GRHL3: variants seen among roughly 807,000 people sequenced by gnomAD.
GRHL3 encodes the protein grainyhead-like protein 3 homolog.
A neutral mutation model predicts 70.3 loss-of-function variants in GRHL3; 20 were observed. The ratio of observed to expected loss-of-function variants is 0.28; its 90% confidence interval spans 0.20 to 0.41. GRHL3 has a LOEUF of 0.41. GRHL3 is among the 10% of genes least tolerant of loss of function. The probability of loss-of-function intolerance (pLI) is 1.00; values close to 1 mark genes in which losing one functional copy is unlikely to be tolerated. For missense variants in GRHL3, 637 were observed against 762.3 expected (o/e 0.84, Z 1.94); for synonymous variants, 299 against 299.9 (o/e 1.00, Z 0.03).
chr1:24,333,266 G>A (rs1381270129), intron 2 of GRHL3, among the ~76,000 whole-genome samples: 1 of 152,196 alleles, frequency 6.6e-6, no homozygotes. Flanking sequence ...GGTGTGGAAG[G>A]AGCACCAAGT....
At chr1:24,330,354 G>A (rs502185) in intron 1 of GRHL3, among the ~76,000 whole-genome samples, 107,766 of 152,132 alleles carry the variant, frequency 0.71, 38,821 homozygotes, top group African/African-American at 0.86. Flanking sequence ...AAAGTTTGAG[G>A]ACATTATTCT....
At chr1:24,358,647 T>C (rs1388203008), downstream of GRHL3, 4 of 1,581,032 alleles carry the variant, frequency 2.5e-6, no homozygotes, top group East Asian at 2.2e-5. Context: ...GGCGGAGGCA[T>C]TAAGAGAGAA....
chr1:24,320,586 T>C (rs904180546), intron 1 of GRHL3, among the ~76,000 whole-genome samples: 3 of 152,146 alleles, frequency 2.0e-5, no homozygotes, highest in African/African-American at 7.2e-5. Flanking sequence ...TGTACCATCT[T>C]TTTTCTAACT....
At chr1:24,320,547 C>A (rs534932865) in intron 1 of GRHL3, among the ~76,000 whole-genome samples, 1 of 152,290 alleles carries the variant, frequency 6.6e-6, no homozygotes, top group South Asian at 2.1e-4. Flanking sequence ...TCCTGCCACC[C>A]TCAGAGGTGA....
intron 12 of GRHL3, 78 bp downstream of exon 12, chr1:24,345,009 T>TCCGCCACACCTGTGCCC: frequency 8.1e-6 from 5 of 613,954 alleles, no homozygotes; most frequent in Non-Finnish European, 8.5e-6. Context: ...CACCTGTGCC[T>TCCGCCACACCTGTGCCC]CCGCCACACC....
chr1:24,339,225 T>C (rs886861969), intron 7 of GRHL3, among the ~76,000 whole-genome samples: 3 of 152,010 alleles, frequency 2.0e-5, no homozygotes, highest in African/African-American at 7.3e-5. Flanking sequence ...TGGATTGAAG[T>C]GTGGTTCTTG....
Position 24,336,571 on chromosome 1 carries a change from GA to G in GRHL3, c.358del (p.Thr120ProfsTer13). 3 of 1,613,878 alleles carry G rather than the reference GA, an allele frequency of 1.9e-6. No individual in the cohort carries two copies. The highest frequency in any genetic ancestry group is 2.5e-6 in the Non-Finnish European group (3 of 1,179,910). ...AAATTCCTGACAGAGAACGTGTCTG[GA>G]ACCCCAGAGTACCCAGATTTGCTCA... ...LMKFLTENVS[G>X]TPEYPDLLKK... is the part of the protein sequence containing the mutation. On this transcript the variant is annotated frameshift_variant, in exon 4 of 16. Coordinates refer to ENST00000361548, the MANE Select transcript of GRHL3 (RefSeq NM_198173.3). LOFTEE classifies it high-confidence loss of function.
intron 12 of GRHL3, among the ~76,000 whole-genome samples, chr1:24,346,017 C>T (rs953847759): frequency 1.3e-5 from 2 of 152,126 alleles, no homozygotes; most frequent in South Asian, 2.1e-4. Flanking sequence ...TTTATGGATG[C>T]GGAAACTGAG....
chr1:24,337,446 G>A, intron 5 of GRHL3, 190 bp from the exon 6 acceptor site: 1 of 626,392 alleles, frequency 1.6e-6, no homozygotes, highest in Non-Finnish European at 2.8e-6. Context: ...TTATTCAGCA[G>A]GACTGTGGCT....
chr1:24,325,291 T>A (rs1391465304), intron 1 of GRHL3, among the ~76,000 whole-genome samples: 1 of 152,178 alleles, frequency 6.6e-6, no homozygotes, highest in African/African-American at 2.4e-5. Context: ...CCTCCTTTGG[T>A]GTTGGGTTTT....
chr1:24,337,742 A>T lies in GRHL3; in HGVS notation c.793A>T (p.Thr265Ser), dbSNP rs769211444. 39 of 1,614,046 alleles carry T rather than the reference A, an allele frequency of 2.4e-5. No homozygotes were observed. Among genetic ancestry groups the T allele is most frequent in the Non-Finnish European group, 1.0e-5 (12 of 1,180,044 alleles). ...CCAGTTCTACCCCGTCACCCTGCGG[A>T]CCCCAGCAGGTGGCAAAGGCCTTGC... ...KGQFYPVTLR[T>S]PAGGKGLALS... Residue 265 changes from threonine (T) to serine (S), a missense_variant, in exon 6 of 16, where the codon ACC becomes TCC. By Grantham distance (58) the Thr-to-Ser change is moderately conservative. This residue lies in a region of GRHL3 where 387 missense variants were observed against 513.8 expected (regional missense o/e 0.75). Transcript: ENST00000361548.
chr1:24,321,267 T>C lies in GRHL3; in HGVS notation c.17+1699T>C, dbSNP rs567636544. 5.1e-4 allele frequency among the ~76,000 whole-genome samples: 78 copies of C among 152,344 alleles called. No homozygotes were observed. Among genetic ancestry groups the C allele is most frequent in the African/African-American group, 1.8e-3 (76 of 41,574 alleles). On this transcript the variant is annotated intron_variant, in intron 1 of 15. Coordinates refer to ENST00000361548, the MANE Select transcript of GRHL3 (RefSeq NM_198173.3). This position sits in a 1 kb window ranked among gnomAD's most constrained non-coding sequence, Gnocchi z 4.0. ...ATTTGAAGTCAGATCCGCTGACAGTTGAGGCTTCTCAGTTTGGGGTGGGGT... is the reference window on the plus strand; with the variant it reads ...ATTTGAAGTCAGATCCGCTGACAGTCGAGGCTTCTCAGTTTGGGGTGGGGT...
intron 2 of GRHL3, among the ~76,000 whole-genome samples, chr1:24,333,106 T>G (rs74062147): frequency 0.045 from 6,873 of 152,218 alleles, 522 homozygotes; most frequent in African/African-American, 0.16. Context: ...CCAGGGCCAG[T>G]ATGGTAGAAG....
intron 12 of GRHL3, among the ~76,000 whole-genome samples, chr1:24,345,176 C>T (rs55864215): frequency 1.7e-5 from 1 of 59,192 alleles, no homozygotes. Flanking sequence ...CACCTGTGCC[C>T]CCTCTACACC....
intron 15 of GRHL3, among the ~76,000 whole-genome samples, chr1:24,350,488 G>A (rs574890142): frequency 6.6e-6 from 1 of 152,302 alleles, no homozygotes; most frequent in Admixed American, 6.5e-5. Context: ...TGTCAGACAC[G>A]AGGCTAAGCA....
intron 3 of GRHL3, among the ~76,000 whole-genome samples, chr1:24,335,014 A>AACAC (rs35646472): frequency 0.04 from 5,488 of 136,936 alleles, 162 homozygotes; most frequent in Admixed American, 0.1. Flanking sequence ...TCAGCTTGAA[A>AACAC]ACACACACAC....
rs1569935582 is a variant in GRHL3 at position 24,355,067 on chromosome 1, T to C, written c.*579T>C. ...CGATCGACTGGAACAAAGTGACCGC[T>C]GTGTAAAACTACTGCCTTGCCACTC... On this transcript the variant is annotated 3_prime_UTR_variant, in exon 16 of 16. Transcript: ENST00000361548. 1.3e-5 allele frequency: 2 copies of C among 152,726 alleles called. No homozygotes were observed. The highest frequency in any genetic ancestry group is 2.9e-5 in the Non-Finnish European group (2 of 68,096). The allele number at this position is 152,726 out of a possible 1,614,324, so 9.5% of individuals were successfully genotyped here. A position where few individuals can be genotyped will look rare whatever the true frequency, so the allele number is the denominator to read the frequency against.
At chr1:24,354,253 T>A (rs1640627814) in intron 15 of GRHL3, 121 bp from the exon 16 acceptor site, 1 of 645,294 alleles carries the variant, frequency 1.5e-6, no homozygotes, top group African/African-American at 1.8e-5. Flanking sequence ...GGAAGGTTTG[T>A]GAGGTGCCTA....
chr1:24,345,192 C>G (rs1476307472), intron 12 of GRHL3, among the ~76,000 whole-genome samples: 1 of 3,400 alleles, frequency 2.9e-4, no homozygotes, highest in Non-Finnish European at 7.7e-4. Context: ...ACACCTGTGC[C>G]CCCTCTACAC....
Sources: allele counts gnomAD v4.1 joint callset (sites outside exome capture counted in the v4.1 genomes callset), GRCh38; gene constraint gnomAD v4.1.1; regional missense constraint gnomAD v4.1.1; non-coding constraint Gnocchi (gnomAD v3.1); transcripts MANE v1.5; gene names NCBI Gene and HGNC (gene_info 2026-07-23, HGNC 2026-07-21).